The following FRMD6 variants were observed in gnomAD, a reference collection of about 807,000 sequenced individuals.
FRMD6 encodes FERM domain containing 6.
FRMD6 carries 37 observed loss-of-function variants against 73.2 expected under a neutral mutation model. The observed-to-expected ratio is 0.51, with a 90% CI of 0.39 to 0.66. The LOEUF (loss-of-function observed/expected upper bound fraction) is 0.66, where lower values mean the gene tolerates loss of function less well. Among genes scored for constraint, FRMD6 ranks in the 30% least tolerant of loss-of-function variants. The probability of loss-of-function intolerance (pLI) is 0.00; values close to 1 mark genes in which losing one functional copy is unlikely to be tolerated. For missense variants in FRMD6, 714 were observed against 780.5 expected, an observed-to-expected ratio of 0.91 and a Z score of 1.02; for synonymous variants, 273 against 282.2, an observed-to-expected ratio of 0.97 and a Z score of 0.33.
rs541468324 is a variant in FRMD6 at position 51,611,663 on chromosome 14, A to C, written c.-147+41253A>C. On this transcript the variant is annotated intron_variant, in intron 2 of 14. Transcript: ENST00000356218. Reference sequence around the variant, plus strand: ...GGCCCAAGAATCTGCATTTCTAACAAGCTTCCAGATGATGCGCATGCTGTC... The same window carrying C: ...GGCCCAAGAATCTGCATTTCTAACACGCTTCCAGATGATGCGCATGCTGTC... Among the ~76,000 whole-genome samples the C allele has an allele frequency of 3.8e-4, 58 of 152,342 alleles. No individual in the cohort carries two copies. The South Asian group carries it at 0.012, about 31-fold the overall frequency.
chr14:51,479,709 T>G, the FRMD6 span, among the ~76,000 whole-genome samples: 1 of 152,184 alleles, frequency 6.6e-6, no homozygotes, highest in Non-Finnish European at 1.5e-5. Flanking sequence ...AAGTGAAAGC[T>G]GGCTGCTGCA....
chr14:51,520,624 C>A (rs545899166), intron 1 of FRMD6, among the ~76,000 whole-genome samples: 3 of 152,142 alleles, frequency 2.0e-5, no homozygotes, highest in Admixed American at 2.0e-4. Flanking sequence ...AGTAAACTGG[C>A]GAGTACGGTG....
chr14:51,508,883 G>A (rs908726932), intron 1 of FRMD6, among the ~76,000 whole-genome samples: 1 of 151,886 alleles, frequency 6.6e-6, no homozygotes, highest in Non-Finnish European at 1.5e-5. Flanking sequence ...TTCAAACGCT[G>A]GTCTTTTCCT....
At chr14:51,648,337 T>C (rs1892172647), upstream of FRMD6, among the ~76,000 whole-genome samples, 1 of 152,208 alleles carries the variant, frequency 6.6e-6, no homozygotes, top group East Asian at 1.9e-4. Context: ...AATAAGGCTA[T>C]GGCCATCATG....
intron 6 of FRMD6, among the ~76,000 whole-genome samples, chr14:51,707,301 C>G (rs1391289610): frequency 1.3e-5 from 2 of 151,912 alleles, no homozygotes; most frequent in East Asian, 3.9e-4. Flanking sequence ...ATTTTAAAAC[C>G]AAAAAGTCTG....
intron 1 of FRMD6, among the ~76,000 whole-genome samples, chr14:51,492,463 C>T (rs182132727): frequency 6.6e-5 from 10 of 151,958 alleles, no homozygotes; most frequent in Admixed American, 6.6e-4. Flanking sequence ...TCCTTAGCAC[C>T]GAGACCATTG....
Position 51,715,523 on chromosome 14 carries a change from A to G in FRMD6, c.1024+24A>G, listed in dbSNP as rs1466382590. On this transcript the variant is annotated intron_variant, in intron 10 of 13. Transcript: ENST00000344768. The stretch of plus-strand genomic sequence containing the variant: ...AGGTATTGCAGGGTCTGGGGTGTGG[A>G]AGCAAATTGTACCTTTGCCACCTGT... 8 of 1,560,288 alleles carry G rather than the reference A, an allele frequency of 5.1e-6. No individual in the cohort carries two copies. In the Admixed American group the frequency reaches 1.1e-4, roughly 22 times the overall value.
intron 2 of FRMD6, among the ~76,000 whole-genome samples, chr14:51,589,350 GT>G (rs375240842): frequency 0.092 from 2,313 of 25,206 alleles, 18 homozygotes; most frequent in Non-Finnish European, 0.14. Flanking sequence ...TTTGTTTTTG[GT>G]TTTTTTTGTT....
chr14:51,400,324 CT>C, the FRMD6 span, among the ~76,000 whole-genome samples: 9 of 152,126 alleles, frequency 5.9e-5, no homozygotes, highest in African/African-American at 2.2e-4. Context: ...TCTACTTCTA[CT>C]TTTTTTAGAT....
At chr14:51,671,219 T>C (rs1893981193) in intron 1 of FRMD6, among the ~76,000 whole-genome samples, 1 of 152,212 alleles carries the variant, frequency 6.6e-6, no homozygotes, top group Non-Finnish European at 1.5e-5. Context: ...CATTTTCTTA[T>C]AATGTCACCT....
the FRMD6 span, among the ~76,000 whole-genome samples, chr14:51,403,345 C>G: frequency 6.6e-6 from 1 of 152,056 alleles, no homozygotes; most frequent in African/African-American, 2.4e-5. Flanking sequence ...TTAGTTTTAC[C>G]TGTATTTGAA....
At chr14:51,707,035 T>A (rs1896664112) in intron 6 of FRMD6, among the ~76,000 whole-genome samples, 1 of 152,112 alleles carries the variant, frequency 6.6e-6, no homozygotes, top group Non-Finnish European at 1.5e-5. Context: ...TGCTGAGATA[T>A]CAGTTTCCCC....
chr14:51,542,932 A>C (rs1010986312), intron 1 of FRMD6, among the ~76,000 whole-genome samples: 55 of 152,000 alleles, frequency 3.6e-4, no homozygotes, highest in African/African-American at 1.3e-3. Flanking sequence ...AGAAAATTCT[A>C]TCCAGGCCCT....
chr14:51,694,897 C>G (rs1895843124), intron 2 of FRMD6, among the ~76,000 whole-genome samples: 1 of 152,126 alleles, frequency 6.6e-6, no homozygotes, highest in Non-Finnish European at 1.5e-5. Flanking sequence ...TCACAGCAGG[C>G]AAGACTTCAG....
At chr14:51,514,926 G>T (rs1174481623) in intron 1 of FRMD6, among the ~76,000 whole-genome samples, 1 of 152,190 alleles carries the variant, frequency 6.6e-6, no homozygotes, top group Non-Finnish European at 1.5e-5. Context: ...TTGAGAAGGT[G>T]GTTGTGGGTA....
At chr14:51,667,288 A>G (rs1287090163) in intron 1 of FRMD6, among the ~76,000 whole-genome samples, 2 of 152,116 alleles carry the variant, frequency 1.3e-5, no homozygotes, top group Non-Finnish European at 2.9e-5. Flanking sequence ...TAATCCCCCA[A>G]CAGTTACTAG....
At chr14:51,631,523 T>C (rs1292508951) in intron 2 of FRMD6, among the ~76,000 whole-genome samples, 3 of 152,224 alleles carry the variant, frequency 2.0e-5, no homozygotes, top group Admixed American at 2.0e-4. Flanking sequence ...CTAAGGGTTG[T>C]TCATGCTTAG....
At chr14:51,665,331 T>G (rs1442460682) in intron 1 of FRMD6, among the ~76,000 whole-genome samples, 2 of 152,204 alleles carry the variant, frequency 1.3e-5, no homozygotes, top group African/African-American at 4.8e-5. Flanking sequence ...TGTAGGCATT[T>G]TTCATCCTGC....
the FRMD6 span, among the ~76,000 whole-genome samples, chr14:51,432,026 T>C: frequency 6.6e-6 from 1 of 152,200 alleles, no homozygotes; most frequent in Non-Finnish European, 1.5e-5. Context: ...CTTATTTAAT[T>C]TGATAATGGT....
Sources: gnomAD v4.1 joint callset for allele counts (sites outside exome capture counted in the v4.1 genomes callset) on GRCh38, gnomAD v4.1.1 for gene constraint, MANE v1.5 for transcripts, NCBI Gene and HGNC (gene_info 2026-07-23, HGNC 2026-07-21) for gene names.